The following RARB variants were observed in gnomAD, a reference collection of about 807,000 sequenced individuals.
RARB encodes retinoic acid receptor beta, also known as HBV-activated protein.
RARB carries 17 observed loss-of-function variants against 51.9 expected under a neutral mutation model. That is an observed-to-expected ratio of 0.33 (90% CI 0.22 to 0.49). The LOEUF (loss-of-function observed/expected upper bound fraction) is 0.49, where lower values mean the gene tolerates loss of function less well. Among genes scored for constraint, RARB ranks in the 20% least tolerant of loss-of-function variants. The pLI, the probability that RARB is intolerant of heterozygous loss-of-function variation, is 0.99. For missense variants in RARB, 369 were observed against 550.8 expected (o/e 0.67, Z 3.30); for synonymous variants, 215 against 195.4 (o/e 1.10, Z -0.84).
intron 5 of RARB, among the ~76,000 whole-genome samples, chr3:25,212,124 C>T (rs1366168504): frequency 6.6e-6 from 1 of 152,100 alleles, no homozygotes; most frequent in East Asian, 1.9e-4. Flanking sequence ...CATTAATGAA[C>T]AACAAACCAG....
intron 5 of RARB, among the ~76,000 whole-genome samples, chr3:25,365,684 G>A (rs1322414236): frequency 6.6e-6 from 1 of 152,166 alleles, no homozygotes; most frequent in Non-Finnish European, 1.5e-5. Context: ...TCATTTTCGT[G>A]TCTGTTATCT....
intron 5 of RARB, among the ~76,000 whole-genome samples, chr3:25,199,098 G>A (rs1374845715): frequency 6.6e-6 from 1 of 152,024 alleles, no homozygotes; most frequent in Non-Finnish European, 1.5e-5. Flanking sequence ...ACACAATGGA[G>A]TACTACTATT....
At chr3:25,203,679 CT>C (rs1701455200) in intron 5 of RARB, among the ~76,000 whole-genome samples, 1 of 152,158 alleles carries the variant, frequency 6.6e-6, no homozygotes, top group Non-Finnish European at 1.5e-5. Context: ...TTTATTTCCC[CT>C]TCACTTATGA....
chr3:25,537,172 G>C (rs1032233524), intron 3 of RARB, among the ~76,000 whole-genome samples: 1 of 152,140 alleles, frequency 6.6e-6, no homozygotes, highest in Admixed American at 6.5e-5. Context: ...TGAAAGAGGG[G>C]TTTGGCTTAG....
intron 5 of RARB, among the ~76,000 whole-genome samples, chr3:25,327,291 A>G (rs78519469): frequency 0.039 from 5,984 of 152,252 alleles, 163 homozygotes; most frequent in Middle Eastern, 0.065. Context: ...GAAGGGCAAG[A>G]TGTCTGGGTA....
At chr3:24,904,670 C>A (rs1694815860) in intron 2 of RARB, among the ~76,000 whole-genome samples, 1 of 152,096 alleles carries the variant, frequency 6.6e-6, no homozygotes, top group African/African-American at 2.4e-5. Context: ...GGGTATATAC[C>A]CAAAGGATTA....
intron 2 of RARB, among the ~76,000 whole-genome samples, chr3:24,984,206 A>G (rs1696738260): frequency 3.3e-5 from 5 of 152,264 alleles, no homozygotes. Flanking sequence ...ATCACAGCGC[A>G]AAAGTAACCT....
intron 4 of RARB, among the ~76,000 whole-genome samples, chr3:25,570,742 A>T (rs1185199055): frequency 6.6e-6 from 1 of 152,210 alleles, no homozygotes; most frequent in Non-Finnish European, 1.5e-5. Context: ...CACTCAGTAG[A>T]TATTTGATGA....
chr3:25,157,092 G>A (rs1700386800), intron 4 of RARB, among the ~76,000 whole-genome samples: 1 of 152,172 alleles, frequency 6.6e-6, no homozygotes, highest in African/African-American at 2.4e-5. Context: ...GTATGTGTAT[G>A]CATGTAAACA....
At chr3:25,382,662 C>T (rs1423473219) in intron 5 of RARB, among the ~76,000 whole-genome samples, 1 of 152,132 alleles carries the variant, frequency 6.6e-6, no homozygotes, top group African/African-American at 2.4e-5. Context: ...TCAAGACCAG[C>T]CTGGCCAACA....
At chr3:25,085,193 G>A (rs2125314569) in intron 3 of RARB, among the ~76,000 whole-genome samples, 1 of 152,266 alleles carries the variant, frequency 6.6e-6, no homozygotes, top group South Asian at 2.1e-4. Context: ...TCTTTGGCAA[G>A]CAATAGTGTC....
At chr3:24,975,360 C>G (rs1696487967) in intron 2 of RARB, among the ~76,000 whole-genome samples, 1 of 152,096 alleles carries the variant, frequency 6.6e-6, no homozygotes, top group Admixed American at 6.6e-5. Flanking sequence ...CACCTACTTA[C>G]TACACTCCAG....
At chr3:25,214,304 A>C (rs1011117122) in intron 5 of RARB, among the ~76,000 whole-genome samples, 5 of 152,184 alleles carry the variant, frequency 3.3e-5, no homozygotes, top group Admixed American at 3.3e-4. Flanking sequence ...TAACTTGAGC[A>C]AATGAGCTGC....
At chr3:25,465,612 G>A (rs558964209) in intron 2 of RARB, among the ~76,000 whole-genome samples, 1 of 152,126 alleles carries the variant, frequency 6.6e-6, no homozygotes, top group Non-Finnish European at 1.5e-5. Context: ...TTAACAAATG[G>A]GTGTGGTCCA....
chr3:24,871,814 G>T (rs973859727), intron 2 of RARB, among the ~76,000 whole-genome samples: 1 of 152,080 alleles, frequency 6.6e-6, no homozygotes, highest in African/African-American at 2.4e-5. Flanking sequence ...AAACTAATCA[G>T]AACAAAACCT....
At position 25,253,274 on chromosome 3, in the gene RARB, G is replaced by C. The variant is rs183198926; in HGVS notation, c.178+78699G>C. Among the ~76,000 whole-genome samples, 4 of 152,166 alleles carry C rather than the reference G, an allele frequency of 2.6e-5. No individual in the cohort carries two copies. In the East Asian group the frequency reaches 7.7e-4, roughly 29 times the overall value. Reference sequence around the variant, plus strand: ...CTCTATCAAAACCTGAAGGAAAGGAGGGCTGAGTTGTACATCCGTATTTTG... The same window carrying C: ...CTCTATCAAAACCTGAAGGAAAGGACGGCTGAGTTGTACATCCGTATTTTG... On this transcript the variant is annotated intron_variant, in intron 5 of 11. Coordinates refer to the RARB transcript ENST00000383772.
At chr3:25,143,716 G>A (rs563464115) in intron 4 of RARB, among the ~76,000 whole-genome samples, 4 of 152,302 alleles carry the variant, frequency 2.6e-5, no homozygotes, top group East Asian at 3.9e-4. Flanking sequence ...ATGAGTATGC[G>A]TACTTTGGAA....
intron 5 of RARB, among the ~76,000 whole-genome samples, chr3:25,175,936 G>A (rs1700735499): frequency 2.0e-5 from 3 of 152,126 alleles, no homozygotes; most frequent in African/African-American, 7.2e-5. Flanking sequence ...GCTGACCCAA[G>A]TGCTGTTTCA....
intron 2 of RARB, among the ~76,000 whole-genome samples, chr3:24,859,391 A>G (rs1702698748): frequency 6.6e-6 from 1 of 152,198 alleles, no homozygotes; most frequent in Admixed American, 6.5e-5. Flanking sequence ...AGTTTTTAGT[A>G]CAACTCTCAT....
Sources: gnomAD v4.1 joint callset for allele counts (sites outside exome capture counted in the v4.1 genomes callset) on GRCh38, gnomAD v4.1.1 for gene constraint, MANE v1.5 for transcripts, NCBI Gene and HGNC (gene_info 2026-07-23, HGNC 2026-07-21) for gene names.